Variants in CREB5 observed in about 807,000 individuals in gnomAD.
The protein encoded by CREB5 is cyclic AMP-responsive element-binding protein 5.
CREB5 carries 19 observed loss-of-function variants against 57.1 expected under a neutral mutation model. The ratio of observed to expected loss-of-function variants is 0.33; its 90% CI spans 0.23 to 0.49. CREB5 has a LOEUF of 0.49. Among genes scored for constraint, CREB5 ranks in the 20% least tolerant of loss-of-function variants. CREB5 has a pLI of 0.99. For missense variants in CREB5, 579 were observed against 671.6 expected (o/e 0.86, Z 1.52); for synonymous variants, 238 against 238.3 (o/e 1.00, Z 0.01).
intron 5 of CREB5, among the ~76,000 whole-genome samples, chr7:28,668,362 G>T (rs1308826269): frequency 1.3e-5 from 2 of 152,062 alleles, no homozygotes; most frequent in East Asian, 3.9e-4. Context: ...CCATTGTCTG[G>T]GTTTTGTAAA....
chr7:28,445,582 C>T (rs1211354915), intron 1 of CREB5, among the ~76,000 whole-genome samples: 69 of 151,364 alleles, frequency 4.6e-4, no homozygotes, highest in Non-Finnish European at 8.3e-4. Context: ...GACGGAATCT[C>T]GCTCTGTTGC....
chr7:28,457,317 G>T (rs903930075), intron 1 of CREB5, among the ~76,000 whole-genome samples: 3 of 152,160 alleles, frequency 2.0e-5, no homozygotes, highest in African/African-American at 7.2e-5. Context: ...ACCATTGCTA[G>T]ATTTTGGACT....
upstream of CREB5, chr7:28,409,229 C>T (rs1435453512): frequency 6.6e-6 from 1 of 151,072 alleles, no homozygotes; most frequent in Non-Finnish European, 1.5e-5. The surrounding 1 kb of genome is among the most constrained non-coding windows in gnomAD (Gnocchi z 4.4). Flanking sequence ...GGGGCCTGCC[C>T]CCTCGACGCG....
intron 1 of CREB5, among the ~76,000 whole-genome samples, chr7:28,439,832 A>C (rs745395633): frequency 3.0e-4 from 45 of 152,112 alleles, no homozygotes; most frequent in Non-Finnish European, 5.1e-4. Context: ...TTGCATTATT[A>C]TTTTTCTCTG....
At chr7:28,519,696 C>T (rs887056343) in intron 4 of CREB5, among the ~76,000 whole-genome samples, 5 of 152,170 alleles carry the variant, frequency 3.3e-5, no homozygotes, top group African/African-American at 4.8e-5. Context: ...TAATTGAATG[C>T]GACAGTCATA....
intron 1 of CREB5, among the ~76,000 whole-genome samples, chr7:28,345,713 G>A (rs1185448203): frequency 6.6e-6 from 1 of 152,144 alleles, no homozygotes; most frequent in Non-Finnish European, 1.5e-5. Context: ...GAGGTGATTG[G>A]GATTGTCCAA....
At chr7:28,436,520 A>G (rs925047872) in intron 1 of CREB5, among the ~76,000 whole-genome samples, 10 of 152,178 alleles carry the variant, frequency 6.6e-5, no homozygotes, top group East Asian at 5.8e-4. Flanking sequence ...TTGGAGGGGT[A>G]GAAAAGTTTA....
At chr7:28,585,581 G>C (rs1282155158) in intron 5 of CREB5, among the ~76,000 whole-genome samples, 2 of 152,176 alleles carry the variant, frequency 1.3e-5, no homozygotes, top group Non-Finnish European at 2.9e-5. Flanking sequence ...CTTTTGATCT[G>C]TTAACTTTTC....
chr7:28,736,809 GCTCT>G (rs200614614), intron 7 of CREB5, among the ~76,000 whole-genome samples: 17 of 145,912 alleles, frequency 1.2e-4, no homozygotes, highest in Non-Finnish European at 1.8e-4. Flanking sequence ...ATGTACTTAG[GCTCT>G]CTCTCTCTCT....
chr7:28,361,508 C>T (rs1391255843), intron 1 of CREB5, among the ~76,000 whole-genome samples: 10 of 152,198 alleles, frequency 6.6e-5, no homozygotes, highest in Admixed American at 6.5e-4. Flanking sequence ...GGCATATGAC[C>T]TGACATTGGC....
chr7:28,560,913 T>TGTGTGTGTGC (rs1211404751), intron 4 of CREB5, among the ~76,000 whole-genome samples: 1 of 21,952 alleles, frequency 4.6e-5, no homozygotes, highest in Non-Finnish European at 9.5e-5. Context: ...CGCGTGCGTG[T>TGTGTGTGTGC]GCGTGTGTGC....
chr7:28,390,809 T>A (rs1311577978), intron 1 of CREB5, among the ~76,000 whole-genome samples: 1 of 152,096 alleles, frequency 6.6e-6, no homozygotes, highest in African/African-American at 2.4e-5. Context: ...GGAAAAAAAA[T>A]TTCAAACAGT....
intron 1 of CREB5, among the ~76,000 whole-genome samples, chr7:28,334,010 C>A (rs1348951717): frequency 6.6e-6 from 1 of 152,196 alleles, no homozygotes; most frequent in Non-Finnish European, 1.5e-5. Context: ...TATATTCCCA[C>A]CAACGGTGTT....
intron 3 of CREB5, among the ~76,000 whole-genome samples, chr7:28,501,376 T>C (rs1346813060): frequency 6.6e-6 from 1 of 152,234 alleles, no homozygotes; most frequent in Non-Finnish European, 1.5e-5. Flanking sequence ...TTGTGACAAA[T>C]AGAATGTAAG....
intron 4 of CREB5, among the ~76,000 whole-genome samples, chr7:28,535,982 A>C (rs1293605549): frequency 6.6e-6 from 1 of 152,202 alleles, no homozygotes; most frequent in Non-Finnish European, 1.5e-5. Context: ...AGGTCAAATC[A>C]TAATTCTGAG....
chr7:28,550,600 C>T (rs1302881721), intron 4 of CREB5, among the ~76,000 whole-genome samples: 1 of 152,186 alleles, frequency 6.6e-6, no homozygotes, highest in East Asian at 1.9e-4. Flanking sequence ...CCTCATCCAT[C>T]CCTTACTTCC....
intron 5 of CREB5, among the ~76,000 whole-genome samples, chr7:28,635,839 C>G (rs897361152): frequency 2.6e-5 from 4 of 152,178 alleles, no homozygotes; most frequent in African/African-American, 9.7e-5. Flanking sequence ...GATATGGTGT[C>G]TCCCAAACTC....
At chr7:28,321,957 T>C (rs1785502178) in intron 1 of CREB5, among the ~76,000 whole-genome samples, 1 of 152,218 alleles carries the variant, frequency 6.6e-6, no homozygotes, top group South Asian at 2.1e-4. Context: ...TAAGTGATTC[T>C]TTGGCTTAAG....
intron 1 of CREB5, among the ~76,000 whole-genome samples, chr7:28,471,146 C>G (rs1280186944): frequency 6.6e-6 from 1 of 152,102 alleles, no homozygotes; most frequent in African/African-American, 2.4e-5. Flanking sequence ...AAATCTTTGT[C>G]CAGACCAATG....
Sources: allele counts gnomAD v4.1 joint callset (sites outside exome capture counted in the v4.1 genomes callset), GRCh38; gene constraint gnomAD v4.1.1; non-coding constraint Gnocchi (gnomAD v3.1); transcripts MANE v1.5; gene names NCBI Gene and HGNC (gene_info 2026-07-23, HGNC 2026-07-21).